PGAP2: variants seen among roughly 807,000 people sequenced by gnomAD.
The protein encoded by PGAP2 is post-GPI attachment to proteins 2, also known as acyltransferase PGAP2.
In PGAP2, 21 loss-of-function variants were observed where a neutral mutation model predicts 33.2. That is an observed-to-expected ratio of 0.63 (90% CI 0.45 to 0.91). The LOEUF (loss-of-function observed/expected upper bound fraction) is 0.91, where lower values mean the gene tolerates loss of function less well. Among genes scored for constraint, PGAP2 ranks in the 40% least tolerant of loss-of-function variants. PGAP2 has a pLI of 0.00. For missense variants in PGAP2, 345 were observed against 424.0 expected (o/e 0.81, Z 1.64); for synonymous variants, 161 against 172.9 (o/e 0.93, Z 0.54).
intron 3 of PGAP2, chr11:3,823,014 TTTTTCTTTTC>T: frequency 9.2e-7 from 1 of 1,083,750 alleles, no homozygotes; most frequent in Non-Finnish European, 1.3e-6. Context: ...CCCACTTTCT[TTTTTCTTTTC>T]TTTTTTTTTT....
At chr11:3,813,828 T>G (rs750791770) in intron 2 of PGAP2, among the ~76,000 whole-genome samples, 72 of 152,344 alleles carry the variant, frequency 4.7e-4, no homozygotes, top group Middle Eastern at 3.4e-3. Flanking sequence ...CTGTTTGCTC[T>G]GCCCCTTATG....
At chr11:3,817,601 A>T in intron 3 of PGAP2, 66 bp downstream of exon 3, 1 of 1,292,632 alleles carries the variant, frequency 7.7e-7, no homozygotes, top group Non-Finnish European at 1.1e-6. Flanking sequence ...GGGTAGAATT[A>T]GATAGTGGAG....
intron 2 of PGAP2, among the ~76,000 whole-genome samples, chr11:3,813,252 G>A (rs1034373259): frequency 6.6e-6 from 1 of 152,112 alleles, no homozygotes; most frequent in African/African-American, 2.4e-5. Flanking sequence ...TCTCATTTCC[G>A]TCACCCAGGC....
intron 2 of PGAP2, among the ~76,000 whole-genome samples, chr11:3,814,137 T>C (rs928342966): frequency 1.3e-5 from 2 of 152,230 alleles, no homozygotes; most frequent in Non-Finnish European, 2.9e-5. Flanking sequence ...GTCCATCATA[T>C]CTGTAATTGA....
chr11:3,807,598 G>A (rs2084648852), upstream of PGAP2, among the ~76,000 whole-genome samples: 2 of 152,072 alleles, frequency 1.3e-5, no homozygotes. Context: ...GTGAGCTACC[G>A]CGCCTGGCCC....
intron 3 of PGAP2, chr11:3,823,547 T>C (rs1205228708): frequency 3.3e-6 from 5 of 1,519,290 alleles, no homozygotes; most frequent in Non-Finnish European, 4.4e-6. Flanking sequence ...AGGGTCTTAG[T>C]GGAGGCACAG....
chr11:3,817,489 G>A lies in PGAP2; in HGVS notation c.302G>A (p.Trp101Ter). ...PVFGFFFCIIWSLVFHFEYTV... is the reference protein window; with the variant it reads ...PVFGFFFCII ...TTCGGCTTCTTCTTCTGCATCATCT[G>A]GTCCCTGGTGTTCCACTTTGAGTAC... Residue 101 changes from tryptophan to a stop codon, truncating the protein, a stop_gained, in exon 3 of 7, where the codon TGG (tryptophan) becomes TAG (stop). Coordinates refer to ENST00000278243, the MANE Select transcript of PGAP2 (RefSeq NM_014489.4). LOFTEE classifies it high-confidence loss of function. The A allele has an allele frequency of 6.2e-7, 1 of 1,614,164 alleles. No homozygotes were observed. The highest frequency in any genetic ancestry group is 8.5e-7 in the Non-Finnish European group (1 of 1,180,022).
intron 3 of PGAP2, among the ~76,000 whole-genome samples, chr11:3,821,389 G>A (rs768018073): frequency 9.2e-5 from 14 of 152,244 alleles, no homozygotes; most frequent in African/African-American, 1.2e-4. Context: ...GCTGGCCCTC[G>A]TTGGAGGTCT....
chr11:3,805,259 CTTTT>C (rs1171517604), upstream of PGAP2, among the ~76,000 whole-genome samples: 3 of 123,198 alleles, frequency 2.4e-5, no homozygotes, highest in Non-Finnish European at 1.7e-5. Flanking sequence ...TGTGGATATT[CTTTT>C]TTTTTTTTTT....
rs901971824 is a variant in PGAP2 at position 3,797,952 on chromosome 11, C to T, written c.109C>T (p.Pro37Ser). Residue 37 changes from proline to serine, a missense_variant, in exon 1 of 7, where the codon CCA becomes TCA. By Grantham distance (74) the Pro-to-Ser change is moderately conservative (BLOSUM62 -1). Coordinates refer to the PGAP2 transcript ENST00000300730. ...GCGACTCGGGCTGAGGGAGCTCGGG[C>T]CAATCAGAGGGACGGCCCCAGAATG... 5.8e-6 allele frequency: 9 copies of T among 1,548,230 alleles called. No individual in the cohort carries two copies. The highest frequency in any genetic ancestry group is 1.4e-5 in the African/African-American group (1 of 72,788).
At chr11:3,815,796 C>T (rs552873314) in intron 2 of PGAP2, among the ~76,000 whole-genome samples, 1 of 152,306 alleles carries the variant, frequency 6.6e-6, no homozygotes, top group Admixed American at 6.5e-5. Context: ...GGCTGAACAT[C>T]GATATCTCAT....
At chr11:3,814,748 T>TTTTCTTTCTTTCTTTCTTTC (rs57460101) in intron 2 of PGAP2, among the ~76,000 whole-genome samples, 14 of 112,744 alleles carry the variant, frequency 1.2e-4, no homozygotes, top group East Asian at 2.7e-4. Context: ...TCTTTCCTTC[T>TTTTCTTTCTTTCTTTCTTTC]TTTCTTTCTT....
chr11:3,802,878 G>C (rs866506362), intron 1 of PGAP2, among the ~76,000 whole-genome samples: 1 of 148,786 alleles, frequency 6.7e-6, no homozygotes, highest in Non-Finnish European at 1.5e-5. Context: ...CTAGGCTGGA[G>C]TGCAGTGGCA....
At position 3,823,325 on chromosome 11, in the gene PGAP2, C is replaced by T. The variant is rs12365466; in HGVS notation, c.349-558C>T. 5.0e-3 allele frequency among the ~76,000 whole-genome samples: 767 copies of T among 152,184 alleles called. 3 individuals are homozygous for T. Among genetic ancestry groups the T allele is most frequent in the Non-Finnish European group, 8.8e-3 (595 of 68,000 alleles). Reference sequence around the variant, plus strand: ...TGCTGGGATTACAGATGTGAGCCATCGTGCCCAGCCCACCCACTTTGTTAA... The same window carrying T: ...TGCTGGGATTACAGATGTGAGCCATTGTGCCCAGCCCACCCACTTTGTTAA... On this transcript the variant is annotated intron_variant, in intron 3 of 6. Coordinates refer to ENST00000278243, the MANE Select transcript of PGAP2 (RefSeq NM_014489.4).
At chr11:3,807,643 TAAG>T (rs1373910157), upstream of PGAP2, among the ~76,000 whole-genome samples, 1 of 152,020 alleles carries the variant, frequency 6.6e-6, no homozygotes, top group Non-Finnish European at 1.5e-5. Context: ...ATAAATGAGA[TAAG>T]AAGTAAGAGT....
At position 3,811,525 on chromosome 11, in the gene PGAP2, C is replaced by A; in HGVS notation, c.165+101C>A. On this transcript the variant is annotated intron_variant, in intron 2 of 6. Transcript: ENST00000278243. This position sits in a 1 kb window ranked among gnomAD's most constrained non-coding sequence, Gnocchi z 4.6. ...AGATTAGCCAGCTCTCCACTGGGGCCCATCAAACATACGGGGCTGCTGGGG... is the reference window on the plus strand; with the variant it reads ...AGATTAGCCAGCTCTCCACTGGGGCACATCAAACATACGGGGCTGCTGGGG... 2 of 1,145,382 alleles carry A rather than the reference C, an allele frequency of 1.7e-6. No homozygotes were observed. The highest frequency in any genetic ancestry group is 1.2e-6 in the Non-Finnish European group (1 of 819,854). 71.0% of individuals were successfully genotyped at this position (1,145,382 alleles called of 1,614,324 possible). A position where few individuals can be genotyped will look rare whatever the true frequency, so the allele number is the denominator to read the frequency against.
In PGAP2 at chr11:3,824,825, G is replaced by T. The variant is rs866375179; in HGVS notation, c.709-195G>T. On this transcript the variant is annotated intron_variant, in intron 5 of 6. Transcript: ENST00000278243. Reference sequence around the variant, plus strand: ...AGCGGCAGGAATACCACTGCTCCTCGGCCCATCACTCCCCCAGAGGCAGGG... The same window carrying T: ...AGCGGCAGGAATACCACTGCTCCTCTGCCCATCACTCCCCCAGAGGCAGGG... 2.8e-6 allele frequency: 4 copies of T among 1,435,774 alleles called. No homozygotes were observed. In the South Asian group the frequency reaches 6.0e-5, roughly 21 times the overall value. The allele number at this position is 1,435,774 out of a possible 1,614,324, so 88.9% of individuals were successfully genotyped here.
At position 3,817,396 on chromosome 11, in the gene PGAP2, A is replaced by AC. The variant is rs777678004; in HGVS notation, c.213dup (p.Asp72ArgfsTer37). The AC allele has an allele frequency of 1.2e-6, 2 of 1,613,688 alleles. No individual in the cohort carries two copies. Among genetic ancestry groups the AC allele is most frequent in the East Asian group, 4.5e-5 (2 of 44,866 alleles). ...TTCTCTGCGGCCTCCCAGCCTTTGG[A>AC]CCCCGATGGGACCTTGTTCCGGCTT... On this transcript the variant is annotated frameshift_variant, in exon 3 of 7. Coordinates refer to ENST00000278243, the MANE Select transcript of PGAP2 (RefSeq NM_014489.4). LOFTEE classifies it high-confidence loss of function.
At chr11:3,806,854 T>A (rs908700661), upstream of PGAP2, among the ~76,000 whole-genome samples, 1 of 152,070 alleles carries the variant, frequency 6.6e-6, no homozygotes, top group Non-Finnish European at 1.5e-5. Flanking sequence ...AAACCCCATC[T>A]CTACTAAAAG....
Sources: gnomAD v4.1 joint callset for allele counts (sites outside exome capture counted in the v4.1 genomes callset) on GRCh38, gnomAD v4.1.1 for gene constraint, Gnocchi (gnomAD v3.1) non-coding constraint, MANE v1.5 for transcripts, NCBI Gene and HGNC (gene_info 2026-07-23, HGNC 2026-07-21) for gene names.